Variants in ZNF827 observed in about 807,000 individuals in gnomAD.
ZNF827 encodes the protein zinc finger protein 827.
A neutral mutation model predicts 102.4 loss-of-function variants in ZNF827; 13 were observed. That is an observed-to-expected ratio of 0.13 (90% CI 0.08 to 0.20). The LOEUF is 0.20. Ranked by LOEUF, ZNF827 falls within the 10% of genes least tolerant of loss-of-function variation. The pLI, the probability that ZNF827 is intolerant of heterozygous loss-of-function variation, is 1.00. For missense variants in ZNF827, 1,103 were observed against 1,344.4 expected (o/e 0.82, Z 2.81); for synonymous variants, 523 against 536.2 (o/e 0.98, Z 0.34).
intron 3 of ZNF827, among the ~76,000 whole-genome samples, chr4:145,888,170 T>C (rs1197474902): frequency 6.6e-6 from 1 of 152,260 alleles, no homozygotes; most frequent in Non-Finnish European, 1.5e-5. Context: ...GGGTATTTTG[T>C]TGACTTTTGC....
chr4:145,765,717 C>G lies in ZNF827; in HGVS notation c.2882G>C (p.Ser961Thr). The G allele has an allele frequency of 6.2e-7, 1 of 1,613,872 alleles. No homozygotes were observed. Among genetic ancestry groups the G allele is most frequent in the Non-Finnish European group, 8.5e-7 (1 of 1,179,892 alleles). The change falls in exon 12 of 15, where the codon AGC becomes ACC. Residue 961 changes from serine to threonine, a missense_variant. By Grantham distance (58) the Ser-to-Thr change is moderately conservative. This residue lies in a region of ZNF827 where 242 missense variants were observed against 361.9 expected (regional missense o/e 0.67). Transcript: ENST00000508784. The surrounding 1 kb of genome is among the most constrained non-coding windows in gnomAD (Gnocchi z 4.7). Reference protein sequence around the residue: ...KHTGEDRKTPSESNSPSSSSL... With the variant: ...KHTGEDRKTPTESNSPSSSSL... The stretch of plus-strand genomic sequence containing the variant: ...GGATGAAGAGGGGCTATTTGATTCG[C>G]TGGGGGTCTTCCTGTCTTCCCCTGA...
At chr4:145,825,006 G>T (rs1482187284) in intron 7 of ZNF827, among the ~76,000 whole-genome samples, 6 of 152,184 alleles carry the variant, frequency 3.9e-5, no homozygotes, top group Non-Finnish European at 7.3e-5. Flanking sequence ...ATTTAAACAG[G>T]CTTAAAAAGT....
rs896154109 is a variant in ZNF827 at position 145,758,376 on chromosome 4, T to C, written c.*3240A>G. The stretch of plus-strand genomic sequence containing the variant: ...TAGACCTCCTATTGCACAAGTGGCA[T>C]GCTGTAAAACCTATAGTCTGAATTG... On this transcript the variant is annotated 3_prime_UTR_variant, in exon 15 of 15. Coordinates refer to ENST00000508784, the MANE Select transcript of ZNF827 (RefSeq NM_001306215.2). The C allele has an allele frequency of 2.0e-5, 3 of 152,184 alleles. No individual in the cohort carries two copies. Among genetic ancestry groups the C allele is most frequent in the African/African-American group, 7.2e-5 (3 of 41,448 alleles). The allele number at this position is 152,184 out of a possible 1,614,324, so 9.4% of individuals were successfully genotyped here. A position where few individuals can be genotyped will look rare whatever the true frequency, so the allele number is the denominator to read the frequency against.
chr4:145,796,225 G>A (rs189786042), intron 8 of ZNF827, among the ~76,000 whole-genome samples: 88 of 152,300 alleles, frequency 5.8e-4, no homozygotes, highest in African/African-American at 2.0e-3. Flanking sequence ...TTGAAAGGAG[G>A]TTCTTCACTC....
intron 3 of ZNF827, among the ~76,000 whole-genome samples, chr4:145,891,855 C>T (rs1383274063): frequency 6.6e-6 from 1 of 152,276 alleles, no homozygotes; most frequent in East Asian, 1.9e-4. Flanking sequence ...GTTCAACAGC[C>T]CTCTCTTTGG....
chr4:145,898,109 C>A (rs939597676), intron 2 of ZNF827, among the ~76,000 whole-genome samples: 5 of 152,140 alleles, frequency 3.3e-5, no homozygotes, highest in African/African-American at 1.2e-4. Flanking sequence ...GAGCCGAGAT[C>A]GCACCACCGC....
At chr4:145,926,190 C>T (rs1208459548) in intron 1 of ZNF827, among the ~76,000 whole-genome samples, 1 of 152,152 alleles carries the variant, frequency 6.6e-6, no homozygotes, top group African/African-American at 2.4e-5. Flanking sequence ...AATGAATGAA[C>T]AAATGAAGTA....
In ZNF827 at chr4:145,915,555, C is replaced by T. The variant is rs190559555; in HGVS notation, c.44-12340G>A. The stretch of plus-strand genomic sequence containing the variant: ...CCTAATCACCTCTTAAAGGTTCCAC[C>T]TCTCAATACTGTTGCATTGAGGATT... On this transcript the variant is annotated intron_variant, in intron 1 of 14. Coordinates refer to ENST00000508784, the MANE Select transcript of ZNF827 (RefSeq NM_001306215.2). Among the ~76,000 whole-genome samples the T allele has an allele frequency of 3.3e-5, 5 of 152,288 alleles. No individual in the cohort carries two copies. In the East Asian group the frequency reaches 7.7e-4, roughly 23 times the overall value.
intron 8 of ZNF827, among the ~76,000 whole-genome samples, chr4:145,815,548 G>T (rs1252796984): frequency 1.3e-5 from 2 of 152,124 alleles, no homozygotes; most frequent in African/African-American, 4.8e-5. Context: ...AAAATAGATG[G>T]TCTAGTTTAT....
chr4:145,885,899 C>G lies in ZNF827; in HGVS notation c.1526G>C (p.Arg509Thr). 2 of 1,614,228 alleles carry G rather than the reference C, an allele frequency of 1.2e-6. No homozygotes were observed. Among genetic ancestry groups the G allele is most frequent in the South Asian group, 2.2e-5 (2 of 91,082 alleles). The change falls in exon 4 of 15, where the codon AGG becomes ACG. Residue 509 changes from arginine (R) to threonine (T), a missense_variant. Physicochemically the swap from Arg to Thr is moderately conservative, Grantham distance 71. This residue lies in a region of ZNF827 where 157 missense variants were observed against 211.7 expected (regional missense o/e 0.74). Coordinates refer to ENST00000508784, the MANE Select transcript of ZNF827 (RefSeq NM_001306215.2). ...GACGCCAGCCCCTCCCTGGCTAGTCCTCTCTGGAGTGTTAGACGTCATCAT... is the reference window on the plus strand; with the variant it reads ...GACGCCAGCCCCTCCCTGGCTAGTCGTCTCTGGAGTGTTAGACGTCATCAT... The part of the protein sequence containing the change: ...GTMMTSNTPE[R>T]TSQGGAGVSP...
At chr4:145,878,833 G>T (rs141803604) in intron 4 of ZNF827, among the ~76,000 whole-genome samples, 2,048 of 152,046 alleles carry the variant, frequency 0.013, 28 homozygotes, top group Non-Finnish European at 0.021. Context: ...GATGCAAGAG[G>T]TACTGGAAGA....
intron 5 of ZNF827, among the ~76,000 whole-genome samples, chr4:145,850,368 T>A (rs968421913): frequency 6.6e-6 from 1 of 152,166 alleles, no homozygotes; most frequent in African/African-American, 2.4e-5. Flanking sequence ...GGCACATACA[T>A]TAATCAAGGA....
At position 145,877,607 on chromosome 4, in the gene ZNF827, G is replaced by T. The variant is rs143860561; in HGVS notation, c.1748-7129C>A. Among the ~76,000 whole-genome samples the T allele has an allele frequency of 6.8e-3, 1,034 of 152,204 alleles. 10 individuals are homozygous for T. Among genetic ancestry groups the T allele is most frequent in the African/African-American group, 0.024 (979 of 41,508 alleles). On this transcript the variant is annotated intron_variant, in intron 4 of 14. Coordinates refer to ENST00000508784, the MANE Select transcript of ZNF827 (RefSeq NM_001306215.2). ...AGCTAATCCTTGGCCACCCTTCAGT[G>T]TCTATGTACCCAAAGCAAGACTGTA...
Position 145,902,899 on chromosome 4 carries a change from G to A in ZNF827, c.360C>T (p.Ser120=). The change falls in exon 2 of 15, where the codon AGC becomes AGT. Residue 120 remains serine, a synonymous_variant. Coordinates refer to ENST00000508784, the MANE Select transcript of ZNF827 (RefSeq NM_001306215.2). This position sits in a 1 kb window ranked among gnomAD's most constrained non-coding sequence, Gnocchi z 4.3. ...CCTCCAGCAGCCGCCTCAAATTGCT[G>A]CTCAGGGGCTTGTTGGAGCCTGGGT... ...DDDPGSNKPL[S]SNLRRLLEAG... 3 of 1,614,148 alleles carry A rather than the reference G, an allele frequency of 1.9e-6. No individual in the cohort carries two copies. Among genetic ancestry groups the A allele is most frequent in the Non-Finnish European group, 2.5e-6 (3 of 1,180,022 alleles).
intron 1 of ZNF827, among the ~76,000 whole-genome samples, chr4:145,912,984 T>C (rs1752397243): frequency 6.6e-6 from 1 of 152,240 alleles, no homozygotes; most frequent in Non-Finnish European, 1.5e-5. Flanking sequence ...GTTTGTAATG[T>C]AGTTTTTGTA....
chr4:145,885,847 G>T lies in ZNF827; in HGVS notation c.1578C>A (p.Pro526=). The change falls in exon 4 of 15, where the codon CCC becomes CCA. Residue 526 remains proline, a synonymous_variant. Transcript: ENST00000508784. ...GVSPLLVKEE[P]KEDNGLPTSF... ...AGGTGGGCAGGCCGTTATCTTCCTT[G>T]GGTTCCTCCTTCACCAGCAAAGGCG... 5.0e-6 allele frequency: 8 copies of T among 1,614,200 alleles called. No individual in the cohort carries two copies. The highest frequency in any genetic ancestry group is 5.9e-6 in the Non-Finnish European group (7 of 1,180,044).
chr4:145,923,719 T>C (rs191140105), intron 1 of ZNF827, among the ~76,000 whole-genome samples: 1 of 152,336 alleles, frequency 6.6e-6, no homozygotes, highest in East Asian at 1.9e-4. Flanking sequence ...AAATCTCTTT[T>C]GGAAAATATA....
chr4:145,851,800 T>G (rs142759129), intron 5 of ZNF827, among the ~76,000 whole-genome samples: 33 of 152,304 alleles, frequency 2.2e-4, no homozygotes, highest in African/African-American at 7.9e-4. Context: ...AAAAAAATTT[T>G]TTTAAATAAA....
intron 7 of ZNF827, among the ~76,000 whole-genome samples, chr4:145,841,936 CA>C (rs1405045676): frequency 6.6e-6 from 1 of 150,456 alleles, no homozygotes; most frequent in Admixed American, 6.6e-5. Flanking sequence ...AAAAACAAAA[CA>C]AAAAAATGGC....
Sources: allele counts gnomAD v4.1 joint callset (sites outside exome capture counted in the v4.1 genomes callset), GRCh38; gene constraint gnomAD v4.1.1; regional missense constraint gnomAD v4.1.1; non-coding constraint Gnocchi (gnomAD v3.1); transcripts MANE v1.5; gene names NCBI Gene and HGNC (gene_info 2026-07-23, HGNC 2026-07-21).